The following KALRN variants were observed in gnomAD, a reference collection of about 807,000 sequenced individuals.
KALRN encodes the protein kalirin RhoGEF kinase.
Under a neutral mutation model 353.7 loss-of-function variants are expected in KALRN, and 70 were observed. The observed-to-expected ratio is 0.20, with a 90% CI of 0.16 to 0.24. The LOEUF (loss-of-function observed/expected upper bound fraction) is 0.24. Ranked by LOEUF, KALRN falls within the 10% of genes least tolerant of loss-of-function variation. The pLI, the probability that KALRN is intolerant of heterozygous loss-of-function variation, is 1.00. For synonymous variants in KALRN, 1,391 were observed against 1,434.8 expected (o/e 0.97, Z 0.69); for missense variants, 2,791 against 3,756.7 (o/e 0.74, Z 6.72).
chr3:124,447,845 C>T (rs2093890108), intron 21 of KALRN, among the ~76,000 whole-genome samples: 1 of 152,202 alleles, frequency 6.6e-6, no homozygotes, highest in Non-Finnish European at 1.5e-5. Context: ...CTCCCTGCAT[C>T]CTTGTGAATT....
chr3:124,080,501 G>C (rs1345771952), intron 1 of KALRN, among the ~76,000 whole-genome samples: 1 of 152,196 alleles, frequency 6.6e-6, no homozygotes, highest in African/African-American at 2.4e-5. Context: ...AATTGTGTAT[G>C]TGTGTTTGAG....
At chr3:124,287,088 T>C (rs1262116367) in intron 5 of KALRN, among the ~76,000 whole-genome samples, 1 of 152,228 alleles carries the variant, frequency 6.6e-6, no homozygotes, top group Non-Finnish European at 1.5e-5. Flanking sequence ...GCCCTTATTC[T>C]AAACATGTGG....
intron 1 of KALRN, among the ~76,000 whole-genome samples, chr3:124,056,994 C>A (rs1343910598): frequency 1.3e-5 from 2 of 152,214 alleles, no homozygotes; most frequent in East Asian, 3.8e-4. Context: ...ACTCCAAGTT[C>A]TTTAAATTGG....
intron 6 of KALRN, among the ~76,000 whole-genome samples, chr3:124,301,847 A>G (rs2077295346): frequency 6.6e-6 from 1 of 152,220 alleles, no homozygotes; most frequent in African/African-American, 2.4e-5. Context: ...ACACACATAT[A>G]CATATACCCA....
At chr3:124,383,700 C>T (rs1421279361) in intron 10 of KALRN, among the ~76,000 whole-genome samples, 1 of 152,144 alleles carries the variant, frequency 6.6e-6, no homozygotes, top group Non-Finnish European at 1.5e-5. Context: ...AGGAAGGTCA[C>T]ATTCTGAGAT....
chr3:124,227,318 G>C (rs932297782), intron 1 of KALRN, among the ~76,000 whole-genome samples: 1 of 152,192 alleles, frequency 6.6e-6, no homozygotes, highest in Non-Finnish European at 1.5e-5. Flanking sequence ...CTTCCCAGGA[G>C]ATTTGTATCT....
intron 10 of KALRN, among the ~76,000 whole-genome samples, chr3:124,351,117 G>A (rs562018607): frequency 1.8e-4 from 27 of 152,252 alleles, no homozygotes; most frequent in African/African-American, 4.8e-4. Flanking sequence ...GTGAAAAAGG[G>A]GTAAACTAGG....
At chr3:124,046,260 G>A (rs1233074569) in intron 1 of KALRN, among the ~76,000 whole-genome samples, 1 of 152,170 alleles carries the variant, frequency 6.6e-6, no homozygotes, top group Non-Finnish European at 1.5e-5. Flanking sequence ...ATGTGTTAGT[G>A]GGGTACCAGG....
intron 5 of KALRN, among the ~76,000 whole-genome samples, chr3:124,284,954 G>A (rs865976282): frequency 1.3e-5 from 2 of 152,144 alleles, no homozygotes; most frequent in Non-Finnish European, 2.9e-5. Flanking sequence ...TTCCTTGCAA[G>A]GCTGTTTCCC....
chr3:124,164,035 C>G, intron 1 of KALRN: 12 of 948,942 alleles, frequency 1.3e-5, no homozygotes, highest in Non-Finnish European at 1.5e-5. Flanking sequence ...ACACACTTAA[C>G]TGTACACAGT....
intron 37 of KALRN, among the ~76,000 whole-genome samples, chr3:124,642,798 C>T (rs941781561): frequency 6.5e-5 from 5 of 76,524 alleles, no homozygotes; most frequent in Non-Finnish European, 9.9e-5. Context: ...AAGAGATTCC[C>T]AAGCCTCGTT....
chr3:124,467,018 C>T (rs1294856358), intron 25 of KALRN, among the ~76,000 whole-genome samples: 1 of 152,224 alleles, frequency 6.6e-6, no homozygotes, highest in African/African-American at 2.4e-5. Flanking sequence ...TAGGGACCAA[C>T]CACCAAGGTT....
At chr3:124,521,427 A>C (rs2109014479) in intron 33 of KALRN, among the ~76,000 whole-genome samples, 1 of 152,326 alleles carries the variant, frequency 6.6e-6, no homozygotes, top group South Asian at 2.1e-4. Flanking sequence ...TAGTTGCCCA[A>C]GCAATTTGCC....
chr3:124,506,691 C>G (rs2065269890), intron 33 of KALRN, among the ~76,000 whole-genome samples: 1 of 152,176 alleles, frequency 6.6e-6, no homozygotes, highest in South Asian at 2.1e-4. Flanking sequence ...GAGGAAAACC[C>G]AGGCTCTATT....
chr3:124,141,649 C>T (rs1178233166), intron 1 of KALRN, among the ~76,000 whole-genome samples: 2 of 152,160 alleles, frequency 1.3e-5, no homozygotes, highest in African/African-American at 4.8e-5. Flanking sequence ...TGCAAATTGT[C>T]TTTTCCATAG....
chr3:124,120,742 A>ATATATATATATATATG (rs2063919513), intron 1 of KALRN, among the ~76,000 whole-genome samples: 1 of 144,788 alleles, frequency 6.9e-6, no homozygotes, highest in African/African-American at 2.6e-5. Context: ...ATATATATAT[A>ATATATATATATATATG]TATTTTCACA....
At chr3:124,282,730 G>C (rs76044390) in intron 5 of KALRN, among the ~76,000 whole-genome samples, 4,263 of 152,230 alleles carry the variant, frequency 0.028, 80 homozygotes, top group Middle Eastern at 0.061. Context: ...CATTTACCTT[G>C]GTCCTCTGGC....
At chr3:124,156,716 G>T (rs962243033) in intron 1 of KALRN, among the ~76,000 whole-genome samples, 3 of 152,096 alleles carry the variant, frequency 2.0e-5, no homozygotes, top group Non-Finnish European at 4.4e-5. Flanking sequence ...AATCTTTTTC[G>T]CATAATGCCA....
intron 1 of KALRN, among the ~76,000 whole-genome samples, chr3:124,112,082 C>G (rs2063033999): frequency 6.6e-6 from 1 of 152,018 alleles, no homozygotes; most frequent in Admixed American, 6.6e-5. Flanking sequence ...GCGGGCAGAT[C>G]ATTTGAGGTC....
Sources: allele counts gnomAD v4.1 joint callset (sites outside exome capture counted in the v4.1 genomes callset), GRCh38; gene constraint gnomAD v4.1.1; transcripts MANE v1.5; gene names NCBI Gene and HGNC (gene_info 2026-07-23, HGNC 2026-07-21).